Variants in TBX18 observed in about 807,000 individuals in gnomAD.
TBX18 encodes the protein T-box transcription factor TBX18.
In TBX18, 21 loss-of-function variants were observed where a neutral mutation model predicts 55.0. The ratio of observed to expected loss-of-function variants is 0.38; its 90% CI spans 0.27 to 0.55. TBX18 has a LOEUF of 0.55. Ranked by LOEUF, TBX18 falls within the 20% of genes least tolerant of loss-of-function variation. The probability of loss-of-function intolerance (pLI) is 0.73; values close to 1 mark genes in which losing one functional copy is unlikely to be tolerated. For missense variants in TBX18, 840 were observed against 799.6 expected (o/e 1.05, Z -0.61); for synonymous variants, 342 against 326.1 (o/e 1.05, Z -0.53).
intron 2 of TBX18, among the ~76,000 whole-genome samples, chr6:84,762,294 T>C (rs570709502): frequency 2.0e-5 from 3 of 152,306 alleles, no homozygotes; most frequent in Admixed American, 2.0e-4. Context: ...AGCTGTGGCA[T>C]CAGCGGCGAC....
chr6:84,753,882 C>T (rs1302025736), intron 4 of TBX18, among the ~76,000 whole-genome samples: 2 of 152,042 alleles, frequency 1.3e-5, no homozygotes, highest in Non-Finnish European at 2.9e-5. Context: ...TTCTTCTCTC[C>T]CCACATAGGC....
At chr6:84,741,841 T>A (rs1767056373) in intron 6 of TBX18, 1 of 152,134 alleles carries the variant, frequency 6.6e-6, no homozygotes, top group Admixed American at 6.6e-5. Flanking sequence ...CTCCACCAAG[T>A]CTTACATATA....
chr6:84,748,937 T>C (rs1374371099), intron 4 of TBX18, among the ~76,000 whole-genome samples: 2 of 152,224 alleles, frequency 1.3e-5, no homozygotes, highest in African/African-American at 4.8e-5. Flanking sequence ...GCATTATTTT[T>C]TACCATATAA....
At chr6:84,763,016 C>A in intron 1 of TBX18, 1 of 560,396 alleles carries the variant, frequency 1.8e-6, no homozygotes, top group Non-Finnish European at 3.2e-6. Context: ...GTCCACCCCA[C>A]CCGCTGGGCC....
chr6:84,762,614 G>C lies in TBX18; in HGVS notation c.427C>G (p.Leu143Val). The change falls in exon 2 of 8, where the codon CTG (leucine) becomes GTG (valine). Residue 143 changes from leucine (L) to valine (V), a missense_variant. Transcript: ENST00000369663. ...CGCTTCCAGAGCTCGGCTCCCTGCA[G>C]ATCCACCCGCGGGGCCTGCGGCGAG... is the stretch of plus-strand genomic sequence containing the variant. ...LPSPQAPRVDLQGAELWKRFH... is the reference protein window; with the variant it reads ...LPSPQAPRVDVQGAELWKRFH... The C allele has an allele frequency of 1.2e-6, 2 of 1,613,526 alleles. No homozygotes were observed. Among genetic ancestry groups the C allele is most frequent in the Non-Finnish European group, 1.7e-6 (2 of 1,179,798 alleles).
At position 84,762,734 on chromosome 6, in the gene TBX18, C is replaced by G. The variant is rs563319624; in HGVS notation, c.307G>C (p.Gly103Arg). Residue 103 changes from glycine (G) to arginine (R), a missense_variant, in exon 2 of 8, where the codon GGC becomes CGC. Physicochemically the swap from Gly to Arg is moderately radical, Grantham distance 125. Transcript: ENST00000369663. ...ERGAAGGCED[G>R]FQQGASPLAS... ...AGAGGGGAAGCTCCCTGCTGGAAGC[C>G]GTCCTCACAGCCGCCTGGACAGCAA... is the stretch of plus-strand genomic sequence containing the variant. The G allele has an allele frequency of 5.9e-5, 94 of 1,605,150 alleles. 1 individual carries two copies. The South Asian group carries it at 9.6e-4, about 16-fold the overall frequency.
chr6:84,757,810 T>C (rs1441845973), intron 3 of TBX18, among the ~76,000 whole-genome samples: 2 of 151,934 alleles, frequency 1.3e-5, no homozygotes, highest in East Asian at 1.9e-4. Flanking sequence ...TAGAAACTAG[T>C]ATAACAATGA....
rs907332279 is a variant in TBX18 at position 84,733,986 on chromosome 6, T to G, written c.*2699A>C. On this transcript the variant is annotated 3_prime_UTR_variant, in exon 8 of 8. Coordinates refer to ENST00000369663, the MANE Select transcript of TBX18 (RefSeq NM_001080508.3). Reference sequence around the variant, plus strand: ...GGGTGCCTCACTTGTGAAAAGCTGTTGACCTCTGGAAGGCAGCTTGTAAGG... The same window carrying G: ...GGGTGCCTCACTTGTGAAAAGCTGTGGACCTCTGGAAGGCAGCTTGTAAGG... 1 of 152,176 alleles carries G rather than the reference T, an allele frequency of 6.6e-6. No homozygotes were observed. Among genetic ancestry groups the G allele is most frequent in the Admixed American group, 6.5e-5 (1 of 15,268 alleles). 9.4% of individuals were successfully genotyped at this position (152,176 alleles called of 1,614,324 possible).
At chr6:84,760,876 G>C (rs1211142719) in intron 2 of TBX18, among the ~76,000 whole-genome samples, 1 of 152,128 alleles carries the variant, frequency 6.6e-6, no homozygotes, top group Non-Finnish European at 1.5e-5. Flanking sequence ...CATGGTAAAG[G>C]TGAAGTGCAA....
rs111987667 is a variant in TBX18 at position 84,738,118 on chromosome 6, C to T, written c.1099+379G>A. On this transcript the variant is annotated intron_variant, in intron 7 of 7. Coordinates refer to ENST00000369663, the MANE Select transcript of TBX18 (RefSeq NM_001080508.3). ...CCTCATCGTTAACCCAACAGGAGAA[C>T]CCTACCCAGAGGCAATTCTGCTGAA... is the stretch of plus-strand genomic sequence containing the variant. Among the ~76,000 whole-genome samples, 601 of 152,184 alleles carry T rather than the reference C, an allele frequency of 3.9e-3. 3 individuals are homozygous for T. The highest frequency in any genetic ancestry group is 0.011 in the African/African-American group (452 of 41,516).
intron 6 of TBX18, among the ~76,000 whole-genome samples, chr6:84,743,436 T>G (rs917793342): frequency 6.6e-6 from 1 of 152,204 alleles, no homozygotes. Flanking sequence ...AATAATTTCA[T>G]GAGTAAAGTC....
chr6:84,763,496 C>T, intron 1 of TBX18: 1 of 483,012 alleles, frequency 2.1e-6, no homozygotes, highest in Admixed American at 2.3e-5. Flanking sequence ...GCATTCGTTC[C>T]GGTTTCAGGG....
rs989577398 is a variant in TBX18, at chr6:84,764,384, C to T, written c.-203G>A. 7 of 698,986 alleles carry T rather than the reference C, an allele frequency of 1.0e-5. No individual in the cohort carries two copies. The highest frequency in any genetic ancestry group is 8.6e-6 in the Non-Finnish European group (4 of 465,104). 43.3% of individuals were successfully genotyped at this position (698,986 alleles called of 1,614,324 possible). A position where few individuals can be genotyped will look rare whatever the true frequency, so the allele number is the denominator to read the frequency against. On this transcript the variant is annotated 5_prime_UTR_variant, in exon 1 of 8. Transcript: ENST00000369663. ...ATCCAGGAACCGGCGACGCGCCGGC[C>T]AAGTCTCCTTTCCTGGGTCTCTCTC...
rs1767193596 is a variant in TBX18 at position 84,746,479 on chromosome 6, T to G, written c.939+1441A>C. Among the ~76,000 whole-genome samples, 4 of 145,852 alleles carry G rather than the reference T, an allele frequency of 2.7e-5. No individual in the cohort carries two copies. In the South Asian group the frequency reaches 8.4e-4, roughly 31 times the overall value. On this transcript the variant is annotated intron_variant, in intron 5 of 7. Transcript: ENST00000369663. ...ATATTATATATTATTGTACAGTATA[T>G]TATACTATTTATATATTTATATTGA...
chr6:84,738,659 C>T, intron 6 of TBX18, 68 bp from the exon 7 acceptor site: 1 of 1,168,188 alleles, frequency 8.6e-7, no homozygotes, highest in South Asian at 1.2e-5. Flanking sequence ...GATCTTTCAC[C>T]AGCAGCAAGC....
At chr6:84,762,482 T>C (rs1767676443) in intron 2 of TBX18, 62 bp downstream of exon 2, 2 of 1,584,232 alleles carry the variant, frequency 1.3e-6, no homozygotes, top group Non-Finnish European at 1.7e-6. Context: ...CTGATTGAGC[T>C]AGAGGTGAGT....
rs182606532 is a variant in TBX18 at position 84,752,107 on chromosome 6, A to G, written c.772-4020T>C. 2.6e-5 allele frequency among the ~76,000 whole-genome samples: 4 copies of G among 152,292 alleles called. No homozygotes were observed. The East Asian group carries it at 7.7e-4, about 29-fold the overall frequency. The stretch of plus-strand genomic sequence containing the variant: ...TGGGTTTAGCTAGTATTACAGTCAC[A>G]GAAGTCCATAAATACAGACTGCATT... On this transcript the variant is annotated intron_variant, in intron 4 of 7. Coordinates refer to ENST00000369663, the MANE Select transcript of TBX18 (RefSeq NM_001080508.3).
chr6:84,746,753 A>G (rs781279644), intron 5 of TBX18, among the ~76,000 whole-genome samples: 39 of 150,088 alleles, frequency 2.6e-4, no homozygotes, highest in Non-Finnish European at 4.1e-4. Flanking sequence ...TTGAAACAAT[A>G]CAGAGAAGAT....
At chr6:84,753,225 T>C (rs1767397027) in intron 4 of TBX18, among the ~76,000 whole-genome samples, 1 of 152,196 alleles carries the variant, frequency 6.6e-6, no homozygotes, top group African/African-American at 2.4e-5. Flanking sequence ...ATTCATGATA[T>C]TTGAACAACT....
Sources: gnomAD v4.1 joint callset for allele counts (sites outside exome capture counted in the v4.1 genomes callset) on GRCh38, gnomAD v4.1.1 for gene constraint, MANE v1.5 for transcripts, NCBI Gene and HGNC (gene_info 2026-07-23, HGNC 2026-07-21) for gene names.